The following TUBGCP6 variants were observed in gnomAD, a reference collection of about 807,000 sequenced individuals.
TUBGCP6 encodes the protein tubulin gamma complex component 6.
A neutral mutation model predicts 175.8 loss-of-function variants in TUBGCP6; 161 were observed. The ratio of observed to expected loss-of-function variants is 0.92; its 90% CI spans 0.81 to 1.04. TUBGCP6 has a LOEUF of 1.04. TUBGCP6 is among the 50% of genes least tolerant of loss of function. The pLI is 0.00. For missense variants in TUBGCP6, 2,572 were observed against 2,433.0 expected, an observed-to-expected ratio of 1.06 and a Z score of -1.20; for synonymous variants, 1,173 against 1,030.5, an observed-to-expected ratio of 1.14 and a Z score of -2.65.
intron 2 of TUBGCP6, among the ~76,000 whole-genome samples, chr22:50,237,019 GC>G (rs2064785719): frequency 6.6e-6 from 1 of 152,156 alleles, no homozygotes; most frequent in African/African-American, 2.4e-5. Flanking sequence ...AACACCCCCC[GC>G]CCCAACAGGT....
rs759212203 is a variant in TUBGCP6 at position 50,221,177 on chromosome 22, A to G, written c.3182T>C (p.Ile1061Thr). Residue 1061 changes from isoleucine to threonine, a missense_variant, in exon 16 of 25, where the codon ATC becomes ACC. Transcript: ENST00000248846. ...ATCTGACACATTCTCCCCGACCCTG[A>G]TGCTGGCGTCAGACACGTGCCCGTG... ...NTHGHVSDAS[I>T]RVGENVSDVA... The G allele has an allele frequency of 2.5e-6, 4 of 1,608,080 alleles. No individual in the cohort carries two copies. The East Asian group carries it at 8.9e-5, about 36-fold the overall frequency.
chr22:50,233,472 G>C lies in TUBGCP6; in HGVS notation c.960C>G (p.Phe320Leu), dbSNP rs751183358. Residue 320 changes from phenylalanine to leucine, a missense_variant, in exon 3 of 25, where the codon TTC (phenylalanine) becomes TTG (leucine). By Grantham distance (22) the Phe-to-Leu change is conservative. Coordinates refer to ENST00000248846, the MANE Select transcript of TUBGCP6 (RefSeq NM_020461.4). ...PYLTEAGRDA[F>L]DKFCRLHQGE... ...CTTGGTGGAGCCTGCAGAACTTGTC[G>C]AAAGCGTCCCTTCCCGCCTCCGTCA... 2.5e-6 allele frequency: 4 copies of C among 1,612,416 alleles called. No homozygotes were observed. The highest frequency in any genetic ancestry group is 3.4e-6 in the Non-Finnish European group (4 of 1,179,268).
In TUBGCP6 at chr22:50,226,271, A is replaced by G. The variant is rs755608763; in HGVS notation, c.1693+16T>C. 2.3e-5 allele frequency: 37 copies of G among 1,613,884 alleles called. 1 individual carries two copies. The South Asian group carries it at 3.7e-4, about 16-fold the overall frequency. ...CACAGGCACGGACCCCTGCCCCGCA[A>G]TCAGCTGCCACCTACCTCGGAAGCT... is the stretch of plus-strand genomic sequence containing the variant. On this transcript the variant is annotated intron_variant, in intron 8 of 24. Transcript: ENST00000248846.
At chr22:50,219,239 G>T in intron 19 of TUBGCP6, 30 bp from the exon 20 acceptor site, 1 of 1,610,436 alleles carries the variant, frequency 6.2e-7, no homozygotes, top group South Asian at 1.1e-5. Context: ...GTCAGGGCGG[G>T]CCAGGACGGG....
intron 4 of TUBGCP6, among the ~76,000 whole-genome samples, chr22:50,229,049 G>C (rs1308829957): frequency 6.6e-6 from 1 of 152,176 alleles, no homozygotes; most frequent in African/African-American, 2.4e-5. Context: ...CCCAACAGGA[G>C]GGCCCTGCGC....
chr22:50,229,349 G>T (rs2064659071), intron 4 of TUBGCP6, 55 bp downstream of exon 4: 2 of 1,576,318 alleles, frequency 1.3e-6, no homozygotes, highest in African/African-American at 2.7e-5. Flanking sequence ...TCTCTTCCAG[G>T]TCGTGTGCAC....
At chr22:50,228,623 G>A (rs942319486) in intron 4 of TUBGCP6, among the ~76,000 whole-genome samples, 1 of 152,016 alleles carries the variant, frequency 6.6e-6, no homozygotes, top group African/African-American at 2.4e-5. Flanking sequence ...GCCCTTCTCA[G>A]CGTCCCCTGC....
At position 50,227,077 on chromosome 22, in the gene TUBGCP6, C is replaced by T; in HGVS notation, c.1413G>A (p.Arg471=). Residue 471 remains arginine (R), a splice_region_variant and synonymous_variant, in exon 6 of 25, where the codon AGG becomes AGA. Coordinates refer to ENST00000248846, the MANE Select transcript of TUBGCP6 (RefSeq NM_020461.4). The part of the protein sequence containing the change: ...FLFKKLGRQL[R]YLAELCGVGA... ...CAACGCCACAGAGCTCGGCCAGGTA[C>T]CTAGACCCAGAGGCAGGATGAGACC... 2 of 1,610,314 alleles carry T rather than the reference C, an allele frequency of 1.2e-6. No individual in the cohort carries two copies. Among genetic ancestry groups the T allele is most frequent in the South Asian group, 2.2e-5 (2 of 90,302 alleles).
chr22:50,236,236 C>T (rs1045198191), intron 2 of TUBGCP6, among the ~76,000 whole-genome samples: 6 of 151,998 alleles, frequency 3.9e-5, no homozygotes, highest in Admixed American at 3.9e-4. Context: ...GCTGGGTTCA[C>T]ACCATTCTCC....
At chr22:50,223,938 C>A in intron 13 of TUBGCP6, 1 of 589,206 alleles carries the variant, frequency 1.7e-6, no homozygotes, top group Non-Finnish European at 3.0e-6. Flanking sequence ...CAAACCACCA[C>A]AAGACAACGC....
In TUBGCP6 at chr22:50,227,040, G is replaced by A; in HGVS notation, c.1450C>T (p.Pro484Ser). 6.2e-7 allele frequency: 1 copy of A among 1,612,612 alleles called. No homozygotes were observed. The highest frequency in any genetic ancestry group is 1.1e-5 in the South Asian group (1 of 90,826). ...CTGGGGCCTCCTCCACAGGTGCCCG[G>A]GAGCACAGCGCCAACGCCACAGAGC... ...AELCGVGAVL[P>S]GTCGGGPRAA... The change falls in exon 6 of 25, where the codon CCG (proline) becomes TCG (serine). Residue 484 changes from proline (P) to serine (S), a missense_variant. Coordinates refer to ENST00000248846, the MANE Select transcript of TUBGCP6 (RefSeq NM_020461.4).
At chr22:50,239,253 T>C (rs78557820) in intron 2 of TUBGCP6, among the ~76,000 whole-genome samples, 3,630 of 152,316 alleles carry the variant, frequency 0.024, 91 homozygotes, top group East Asian at 0.12. Context: ...CTCGGCTCAC[T>C]GCAAACTCCA....
intron 1 of TUBGCP6, among the ~76,000 whole-genome samples, chr22:50,241,083 T>C (rs1260661775): frequency 1.3e-5 from 2 of 152,246 alleles, no homozygotes; most frequent in Non-Finnish European, 2.9e-5. Flanking sequence ...CTATAGATCA[T>C]AAATATGATT....
chr22:50,226,002 C>T, intron 9 of TUBGCP6, 48 bp downstream of exon 9: 1 of 1,613,364 alleles, frequency 6.2e-7, no homozygotes, highest in South Asian at 1.1e-5. Context: ...ATACTCAGCC[C>T]CAGGGAAGAC....
At position 50,220,424 on chromosome 22, in the gene TUBGCP6, C is replaced by A; in HGVS notation, c.3935G>T (p.Ser1312Ile). 1 of 1,608,516 alleles carries A rather than the reference C, an allele frequency of 6.2e-7. No individual in the cohort carries two copies. Among genetic ancestry groups the A allele is most frequent in the South Asian group, 1.1e-5 (1 of 90,176 alleles). ...CCGTGGCCCACAGTCCAGCACAGTG[C>A]TCTGTGCTCCCAGGCTGAGCGCTGA... ...SQSALSLGAQ[S>I]TVLDCGPRLP... The change falls in exon 16 of 25, where the codon AGC (serine) becomes ATC (isoleucine). Residue 1312 changes from serine to isoleucine, a missense_variant. By Grantham distance (142) the Ser-to-Ile change is moderately radical. Transcript: ENST00000248846.
Position 50,221,242 on chromosome 22 carries a change from G to C in TUBGCP6, c.3117C>G (p.Tyr1039Ter). 3 of 1,614,106 alleles carry C rather than the reference G, an allele frequency of 1.9e-6. No individual in the cohort carries two copies. In the South Asian group the frequency reaches 3.3e-5, roughly 18 times the overall value. ...GCCGGGTGGGAGCTATTTCAGAAGC[G>C]TAGTCCCCTGTGGGAAGACCACCCC... ...VSGGGLPTGD[Y>*]ASEIAPTRPR... is the part of the protein sequence containing the mutation. Residue 1039 changes from tyrosine (Y) to a stop codon, truncating the protein, a stop_gained, in exon 16 of 25, where the codon TAC (tyrosine) becomes TAG (stop). Transcript: ENST00000248846. LOFTEE classifies it high-confidence loss of function.
rs199826518 is a variant in TUBGCP6, at chr22:50,238,474, AC to A, written c.905+1729del. ...ATAAATAAATAAATACAAAAAAAAA[AC>A]AGAAAAAAATACTATTAGCAGACAT... On this transcript the variant is annotated intron_variant, in intron 2 of 24. Coordinates refer to ENST00000248846, the MANE Select transcript of TUBGCP6 (RefSeq NM_020461.4). 5.0e-3 allele frequency among the ~76,000 whole-genome samples: 763 copies of A among 151,716 alleles called. 6 individuals are homozygous for A. Among genetic ancestry groups the A allele is most frequent in the Admixed American group, 0.015 (235 of 15,222 alleles).
In TUBGCP6 at chr22:50,227,862, C is replaced by A. The variant is rs1193166538; in HGVS notation, c.1412+45G>T. On this transcript the variant is annotated intron_variant, in intron 5 of 24. Transcript: ENST00000248846. ...CCTCCACCACCCAGCAAGCCCCACA[C>A]CGCTCCCGCAAAGTCCCCTGCTCAG... 3 of 1,556,208 alleles carry A rather than the reference C, an allele frequency of 1.9e-6. No individual in the cohort carries two copies. The East Asian group carries it at 7.3e-5, about 38-fold the overall frequency.
chr22:50,221,959 T>C, intron 15 of TUBGCP6, 69 bp downstream of exon 15: 1 of 1,599,620 alleles, frequency 6.3e-7, no homozygotes, highest in Middle Eastern at 1.7e-4. Context: ...TCTGCAGCCA[T>C]GACCAACACC....
Sources: gnomAD v4.1 joint callset for allele counts (sites outside exome capture counted in the v4.1 genomes callset) on GRCh38, gnomAD v4.1.1 for gene constraint, MANE v1.5 for transcripts, NCBI Gene and HGNC (gene_info 2026-07-23, HGNC 2026-07-21) for gene names.